HSD17B3: variants seen among roughly 807,000 people sequenced by gnomAD.
HSD17B3 encodes the protein 17-beta-hydroxysteroid dehydrogenase type 3.
Under a neutral mutation model 41.1 loss-of-function variants are expected in HSD17B3, and 29 were observed. That is an observed-to-expected ratio of 0.71 (90% CI 0.53 to 0.96). The LOEUF (loss-of-function observed/expected upper bound fraction) is 0.96, where lower values mean the gene tolerates loss of function less well. Among genes scored for constraint, HSD17B3 ranks in the 40% least tolerant of loss-of-function variants. The pLI is 0.00. For missense variants in HSD17B3, 323 were observed against 374.6 expected (o/e 0.86, Z 1.14); for synonymous variants, 126 against 145.6 (o/e 0.87, Z 0.97).
chr9:96,237,614 G>T (rs149926533), intron 10 of HSD17B3, among the ~76,000 whole-genome samples: 1 of 152,146 alleles, frequency 6.6e-6, no homozygotes, highest in Non-Finnish European at 1.5e-5. Context: ...TAAAAGGGTC[G>T]CTTATTTACC....
At chr9:96,283,983 A>G (rs1826806782) in intron 2 of HSD17B3, among the ~76,000 whole-genome samples, 1 of 152,104 alleles carries the variant, frequency 6.6e-6, no homozygotes. Context: ...CCAGCACTTT[A>G]GGAGTCCAAG....
chr9:96,259,613 CAG>C (rs776789197), intron 2 of HSD17B3, among the ~76,000 whole-genome samples: 5 of 152,040 alleles, frequency 3.3e-5, no homozygotes, highest in Non-Finnish European at 5.9e-5. Context: ...CCCAGCTACT[CAG>C]GGGGCTGAGG....
chr9:96,285,467 G>C (rs1408146942), intron 2 of HSD17B3, among the ~76,000 whole-genome samples: 1 of 152,114 alleles, frequency 6.6e-6, no homozygotes, highest in Non-Finnish European at 1.5e-5. Flanking sequence ...TCTAATTCTG[G>C]GAACATTGGA....
At chr9:96,291,019 A>G (rs1055345791) in intron 2 of HSD17B3, among the ~76,000 whole-genome samples, 16 of 151,872 alleles carry the variant, frequency 1.1e-4, no homozygotes, top group African/African-American at 3.9e-4. Context: ...CTGGGTGGGG[A>G]GCTGGGTCTT....
At chr9:96,244,422 GC>G in intron 8 of HSD17B3, 28 bp from the exon 9 acceptor site, 1 of 1,612,034 alleles carries the variant, frequency 6.2e-7, no homozygotes, top group African/African-American at 1.3e-5. Context: ...GACACCTGAG[GC>G]CCCAGAGTGA....
At chr9:96,299,510 T>A (rs1382571181) in intron 1 of HSD17B3, among the ~76,000 whole-genome samples, 1 of 152,184 alleles carries the variant, frequency 6.6e-6, no homozygotes, top group Non-Finnish European at 1.5e-5. Context: ...GATGATACCA[T>A]CAATAATAAC....
intron 10 of HSD17B3, among the ~76,000 whole-genome samples, chr9:96,235,785 C>T (rs993832693): frequency 1.5e-4 from 23 of 152,228 alleles, no homozygotes; most frequent in Admixed American, 3.9e-4. Context: ...CTCCTTTGGA[C>T]GACCTAGTAC....
At chr9:96,265,527 T>G (rs1382363477) in intron 2 of HSD17B3, among the ~76,000 whole-genome samples, 4 of 152,188 alleles carry the variant, frequency 2.6e-5, no homozygotes, top group Admixed American at 2.0e-4. Flanking sequence ...AATAATGTAA[T>G]AAACATACTA....
rs932514570 is a variant in HSD17B3, at chr9:96,254,763, C to T, written c.277+105G>A. On this transcript the variant is annotated intron_variant, in intron 3 of 10. Transcript: ENST00000375263. ...TCCCCAGGAGAGCTGGTGCCCCAGGCTCTGAGAGCAGATGTGGGGATGCCA... is the reference window on the plus strand; with the variant it reads ...TCCCCAGGAGAGCTGGTGCCCCAGGTTCTGAGAGCAGATGTGGGGATGCCA... 8.8e-5 allele frequency: 85 copies of T among 963,292 alleles called. 1 individual carries two copies. Among genetic ancestry groups the T allele is most frequent in the Middle Eastern group, 8.5e-4 (3 of 3,522 alleles). The allele number at this position is 963,292 out of a possible 1,614,324, so 59.7% of individuals were successfully genotyped here. A position where few individuals can be genotyped will look rare whatever the true frequency, so the allele number is the denominator to read the frequency against.
intron 7 of HSD17B3, 136 bp downstream of exon 7, chr9:96,246,420 A>T: frequency 1.3e-6 from 1 of 797,578 alleles, no homozygotes; most frequent in Non-Finnish European, 2.2e-6. Flanking sequence ...TCCCATAATC[A>T]CCGTGTGCTT....
chr9:96,269,555 A>G (rs567445399), intron 2 of HSD17B3, among the ~76,000 whole-genome samples: 7 of 152,310 alleles, frequency 4.6e-5, no homozygotes, highest in Non-Finnish European at 1.0e-4. Context: ...GGTTCATTTC[A>G]TTCATCCATG....
At position 96,235,437 on chromosome 9, in the gene HSD17B3, G is replaced by A. The variant is rs762705413; in HGVS notation, c.*23C>T. 11 of 1,532,650 alleles carry A rather than the reference G, an allele frequency of 7.2e-6. No individual in the cohort carries two copies. The Admixed American group carries it at 1.7e-4, about 24-fold the overall frequency. The allele number at this position is 1,532,650 out of a possible 1,614,324, so 94.9% of individuals were successfully genotyped here. Reference sequence around the variant, plus strand: ...GCATGGGACTGGTGAGGAAAAGGTTGTGCTGGACTCCTCACCGCCTGGCTA... The same window carrying A: ...GCATGGGACTGGTGAGGAAAAGGTTATGCTGGACTCCTCACCGCCTGGCTA... On this transcript the variant is annotated 3_prime_UTR_variant, in exon 11 of 11. Coordinates refer to ENST00000375263, the MANE Select transcript of HSD17B3 (RefSeq NM_000197.2).
At chr9:96,236,592 C>G (rs1836248051) in intron 10 of HSD17B3, among the ~76,000 whole-genome samples, 1 of 151,916 alleles carries the variant, frequency 6.6e-6, no homozygotes, top group Non-Finnish European at 1.5e-5. Context: ...GGCTTTCCAT[C>G]ATTTGGCACA....
chr9:96,281,699 CG>C (rs1050399593), intron 2 of HSD17B3, among the ~76,000 whole-genome samples: 82 of 152,244 alleles, frequency 5.4e-4, no homozygotes, highest in African/African-American at 1.9e-3. Flanking sequence ...TTGTGGTACA[CG>C]GGGAACTTTT....
Position 96,246,559 on chromosome 9 carries a change from G to A in HSD17B3, c.521C>T (p.Ser174Leu), listed in dbSNP as rs1836671689. 1 of 1,613,976 alleles carries A rather than the reference G, an allele frequency of 6.2e-7. No individual in the cohort carries two copies. The highest frequency in any genetic ancestry group is 1.3e-5 in the African/African-American group (1 of 74,920). Reference sequence around the variant, plus strand: ...ACTTTTTTGAAGAAGGCCTTACCTTGATTCCATATGTTTCAGAATTAGCTG... The same window carrying A: ...ACTTTTTTGAAGAAGGCCTTACCTTAATTCCATATGTTTCAGAATTAGCTG... ...MTQLILKHME[S>L]RQKGLILNIS... is the part of the protein sequence containing the mutation. Residue 174 changes from serine to leucine, a missense_variant, in exon 7 of 11, where the codon TCA becomes TTA. Coordinates refer to ENST00000375263, the MANE Select transcript of HSD17B3 (RefSeq NM_000197.2).
In HSD17B3 at chr9:96,295,347, TG is replaced by T. The variant is rs1320810467; in HGVS notation, c.201+3068del. Among the ~76,000 whole-genome samples the T allele has an allele frequency of 5.5e-5, 8 of 145,356 alleles. No homozygotes were observed. The East Asian group carries it at 5.9e-4, about 11-fold the overall frequency. The stretch of plus-strand genomic sequence containing the variant: ...TTGTTTTTGTTTTTGTTTTTGTTTT[TG>T]TTTCAGACGAAGTCTCACTCTTGTC... On this transcript the variant is annotated intron_variant, in intron 2 of 10. Transcript: ENST00000375263.
intron 5 of HSD17B3, 82 bp from the exon 6 acceptor site, chr9:96,249,868 G>A (rs1836825371): frequency 1.2e-6 from 2 of 1,611,350 alleles, no homozygotes; most frequent in African/African-American, 1.3e-5. Context: ...AAAGAACCAT[G>A]AAGTGGGCAA....
chr9:96,280,431 G>C (rs1240281736), intron 2 of HSD17B3, among the ~76,000 whole-genome samples: 1 of 152,154 alleles, frequency 6.6e-6, no homozygotes, highest in Admixed American at 6.5e-5. Flanking sequence ...TGAAGGTCAA[G>C]TTAGCTGAGG....
rs1564030988 is a variant in HSD17B3, at chr9:96,252,899, C to T, written c.289G>A (p.Gly97Arg). 6.2e-7 allele frequency: 1 copy of T among 1,606,540 alleles called. No homozygotes were observed. The highest frequency in any genetic ancestry group is 1.1e-5 in the South Asian group (1 of 90,886). The part of the protein sequence containing the change: ...AIATEIERTT[G>R]RSVKIIQADF... The stretch of plus-strand genomic sequence containing the variant: ...GCTTGTATAATCTTCACACTCCTCC[C>T]TGTAGTCCGCTCTACACGAGAGACA... The change falls in exon 4 of 11, where the codon GGG becomes AGG. Residue 97 changes from glycine (G) to arginine (R), a missense_variant. Physicochemically the swap from Gly to Arg is moderately radical, Grantham distance 125. Transcript: ENST00000375263.
Sources: allele counts gnomAD v4.1 joint callset (sites outside exome capture counted in the v4.1 genomes callset), GRCh38; gene constraint gnomAD v4.1.1; transcripts MANE v1.5; gene names NCBI Gene and HGNC (gene_info 2026-07-23, HGNC 2026-07-21).